Variants in VKORC1L1 observed in about 807,000 individuals in gnomAD.
VKORC1L1 encodes the protein vitamin K epoxide reductase complex subunit 1L1.
In VKORC1L1, 2 loss-of-function variants were observed where a neutral mutation model predicts 18.9. The observed-to-expected ratio is 0.11, with a 90% CI of 0.04 to 0.33. The LOEUF is 0.33. VKORC1L1 is among the 10% of genes least tolerant of loss of function. The pLI, the probability that VKORC1L1 is intolerant of heterozygous loss-of-function variation, is 1.00. For synonymous variants in VKORC1L1, 96 were observed against 100.0 expected, an observed-to-expected ratio of 0.96 and a Z score of 0.24; for missense variants, 123 against 224.1, an observed-to-expected ratio of 0.55 and a Z score of 2.88.
intron 1 of VKORC1L1, among the ~76,000 whole-genome samples, chr7:65,935,122 G>T (rs1004462126): frequency 6.6e-6 from 1 of 151,562 alleles, no homozygotes; most frequent in Non-Finnish European, 1.5e-5. Flanking sequence ...TTTCCCTCTG[G>T]TGTCATTCTC....
intron 1 of VKORC1L1, among the ~76,000 whole-genome samples, chr7:65,905,297 G>C (rs771153343): frequency 6.6e-6 from 1 of 151,858 alleles, no homozygotes; most frequent in Non-Finnish European, 1.5e-5. Flanking sequence ...TTAAATTGGC[G>C]TGGTTATTTT....
At chr7:65,879,186 T>C (rs1451697995) in intron 1 of VKORC1L1, among the ~76,000 whole-genome samples, 1 of 152,180 alleles carries the variant, frequency 6.6e-6, no homozygotes, top group African/African-American at 2.4e-5. Flanking sequence ...ATTGCTCCCA[T>C]ACTTTAAATG....
In VKORC1L1 at chr7:65,955,900, A is replaced by C. The variant is rs1790287704; in HGVS notation, c.*1600A>C. ...GGGACGGGCTCTGCTCTGTAAACTC[A>C]AATGTGTAGAGTCAGCAACAATTCC... On this transcript the variant is annotated 3_prime_UTR_variant, in exon 3 of 3. Coordinates refer to ENST00000360768, the MANE Select transcript of VKORC1L1 (RefSeq NM_173517.6). 1 of 152,218 alleles carries C rather than the reference A, an allele frequency of 6.6e-6. No homozygotes were observed. The highest frequency in any genetic ancestry group is 1.5e-5 in the Non-Finnish European group (1 of 68,032). The allele number at this position is 152,218 out of a possible 1,614,324, so 9.4% of individuals were successfully genotyped here. A position where few individuals can be genotyped will look rare whatever the true frequency, so the allele number is the denominator to read the frequency against.
chr7:65,947,929 TCTG>T (rs1412478801), intron 1 of VKORC1L1, among the ~76,000 whole-genome samples: 2 of 152,184 alleles, frequency 1.3e-5, no homozygotes, highest in Non-Finnish European at 2.9e-5. Context: ...GACCTTGTGA[TCTG>T]CTCGCCTCGG....
rs961764646 is a variant in VKORC1L1 at position 65,955,958 on chromosome 7, G to A, written c.*1658G>A. 2.6e-5 allele frequency: 4 copies of A among 152,326 alleles called. No homozygotes were observed. Among genetic ancestry groups the A allele is most frequent in the Admixed American group, 6.5e-5 (1 of 15,292 alleles). 9.4% of individuals were successfully genotyped at this position (152,326 alleles called of 1,614,324 possible). A position where few individuals can be genotyped will look rare whatever the true frequency, so the allele number is the denominator to read the frequency against. Reference sequence around the variant, plus strand: ...CCAACTGACTCAGAATTGATGCAACGTAGGTCTTCTGGCCCGAGGCAGGTA... The same window carrying A: ...CCAACTGACTCAGAATTGATGCAACATAGGTCTTCTGGCCCGAGGCAGGTA... On this transcript the variant is annotated 3_prime_UTR_variant, in exon 3 of 3. Transcript: ENST00000360768.
chr7:65,876,302 A>C (rs558979353), intron 1 of VKORC1L1, among the ~76,000 whole-genome samples: 118 of 152,308 alleles, frequency 7.7e-4, no homozygotes, highest in Non-Finnish European at 1.3e-3. Flanking sequence ...GTTTACTTTC[A>C]GACCAGCCTG....
At chr7:65,896,103 C>T (rs1789208039) in intron 1 of VKORC1L1, among the ~76,000 whole-genome samples, 1 of 150,376 alleles carries the variant, frequency 6.6e-6, no homozygotes. Flanking sequence ...GGGGTTTCAC[C>T]ATGTTGGCCA....
At chr7:65,907,794 A>G (rs1238143297) in intron 1 of VKORC1L1, among the ~76,000 whole-genome samples, 3 of 152,164 alleles carry the variant, frequency 2.0e-5, no homozygotes, top group African/African-American at 7.2e-5. Context: ...TGAGATTACA[A>G]TCAGAACATT....
intron 1 of VKORC1L1, among the ~76,000 whole-genome samples, chr7:65,919,737 A>G (rs755941121): frequency 2.0e-5 from 3 of 152,158 alleles, no homozygotes; most frequent in African/African-American, 7.2e-5. Flanking sequence ...TTTCAATACT[A>G]CAGCCAGAGT....
intron 1 of VKORC1L1, among the ~76,000 whole-genome samples, chr7:65,909,548 A>G (rs983660938): frequency 6.6e-6 from 1 of 152,158 alleles, no homozygotes; most frequent in Non-Finnish European, 1.5e-5. Flanking sequence ...TGAAGGAAAT[A>G]GATTTGGTTC....
At chr7:65,898,077 GTTTTTTT>G (rs71051319) in intron 1 of VKORC1L1, among the ~76,000 whole-genome samples, 7 of 82,970 alleles carry the variant, frequency 8.4e-5, no homozygotes, top group Admixed American at 2.6e-4. Context: ...TTTGTAGCAG[GTTTTTTT>G]TTTTTTTTTT....
chr7:65,925,559 C>T (rs967108868), intron 1 of VKORC1L1, among the ~76,000 whole-genome samples: 18 of 152,070 alleles, frequency 1.2e-4, no homozygotes, highest in African/African-American at 3.6e-4. Flanking sequence ...TTTCCCTGTT[C>T]TTTAAGCTTC....
intron 1 of VKORC1L1, among the ~76,000 whole-genome samples, chr7:65,892,052 G>C (rs966271163): frequency 6.6e-6 from 1 of 151,974 alleles, no homozygotes; most frequent in African/African-American, 2.4e-5. Context: ...ATCTTTCTGT[G>C]CCTGGCTTAT....
chr7:65,884,739 C>T lies in VKORC1L1; in HGVS notation c.194+11174C>T, dbSNP rs563246729. On this transcript the variant is annotated intron_variant, in intron 1 of 2. Transcript: ENST00000360768. ...GTGCCCTTGCCAAATTGGGCATTCTCATTTTTTAGATATTTGCCAATATGA... is the reference window on the plus strand; with the variant it reads ...GTGCCCTTGCCAAATTGGGCATTCTTATTTTTTAGATATTTGCCAATATGA... Among the ~76,000 whole-genome samples the T allele has an allele frequency of 1.8e-3, 277 of 152,280 alleles. 2 individuals carry two copies. Among genetic ancestry groups the T allele is most frequent in the African/African-American group, 6.1e-3 (254 of 41,550 alleles).
chr7:65,905,885 C>T (rs750230080), intron 1 of VKORC1L1, among the ~76,000 whole-genome samples: 6 of 152,140 alleles, frequency 3.9e-5, no homozygotes, highest in Non-Finnish European at 8.8e-5. Context: ...AGGATACTTA[C>T]TTTATCTCTG....
chr7:65,902,126 G>T (rs1270779027), intron 1 of VKORC1L1, among the ~76,000 whole-genome samples: 1 of 152,116 alleles, frequency 6.6e-6, no homozygotes, highest in Non-Finnish European at 1.5e-5. Flanking sequence ...TTGGCATTCA[G>T]TAAAATGACC....
intron 1 of VKORC1L1, among the ~76,000 whole-genome samples, chr7:65,900,394 CAA>C (rs546873103): frequency 1.3e-4 from 15 of 118,672 alleles, no homozygotes; most frequent in Non-Finnish European, 7.2e-5. Flanking sequence ...GGCTCTATCT[CAA>C]AAAAAAAAAA....
intron 1 of VKORC1L1, among the ~76,000 whole-genome samples, chr7:65,900,847 CT>C (rs1452985316): frequency 2.6e-5 from 4 of 152,036 alleles, no homozygotes; most frequent in African/African-American, 9.7e-5. Context: ...CATACATAAA[CT>C]TTAAAATGTA....
intron 1 of VKORC1L1, among the ~76,000 whole-genome samples, chr7:65,913,609 C>T (rs984304679): frequency 3.3e-5 from 5 of 150,898 alleles, no homozygotes; most frequent in Admixed American, 2.6e-4. Context: ...GCCTGTAATC[C>T]CAGCTACTCA....
Sources: allele counts gnomAD v4.1 joint callset (sites outside exome capture counted in the v4.1 genomes callset), GRCh38; gene constraint gnomAD v4.1.1; transcripts MANE v1.5; gene names NCBI Gene and HGNC (gene_info 2026-07-23, HGNC 2026-07-21).